The following TBXAS1 variants were observed in gnomAD, a reference collection of about 807,000 sequenced individuals.
The protein encoded by TBXAS1 is thromboxane-A synthase.
A neutral mutation model predicts 60.7 loss-of-function variants in TBXAS1; 48 were observed. That is an observed-to-expected ratio of 0.79 (90% CI 0.63 to 1.01). The LOEUF is 1.01. Ranked by LOEUF, TBXAS1 falls within the 50% of genes least tolerant of loss-of-function variation. TBXAS1 has a pLI of 0.00. For missense variants in TBXAS1, 685 were observed against 686.3 expected, an observed-to-expected ratio of 1.00 and a Z score of 0.02; for synonymous variants, 287 against 269.7, an observed-to-expected ratio of 1.06 and a Z score of -0.63.
chr7:139,991,147 T>C (rs1812870465), intron 9 of TBXAS1, among the ~76,000 whole-genome samples: 1 of 152,218 alleles, frequency 6.6e-6, no homozygotes, highest in South Asian at 2.1e-4. Context: ...GGCACGGCTG[T>C]GATGGAACTC....
intron 4 of TBXAS1, among the ~76,000 whole-genome samples, chr7:139,817,083 T>C (rs1268508091): frequency 1.3e-5 from 2 of 152,174 alleles, no homozygotes; most frequent in Non-Finnish European, 2.9e-5. Flanking sequence ...AGCTGTTTCA[T>C]TAAGAAATAT....
chr7:139,892,548 A>G (rs1803707090), intron 3 of TBXAS1, among the ~76,000 whole-genome samples: 1 of 152,130 alleles, frequency 6.6e-6, no homozygotes, highest in African/African-American at 2.4e-5. Flanking sequence ...AGCTGAGATC[A>G]TGCCACTGCA....
chr7:139,866,368 G>A (rs1240003303), intron 1 of TBXAS1, among the ~76,000 whole-genome samples: 1 of 152,142 alleles, frequency 6.6e-6, no homozygotes, highest in African/African-American at 2.4e-5. Context: ...GCACTATTAA[G>A]CAGCCATAAA....
intron 9 of TBXAS1, among the ~76,000 whole-genome samples, chr7:139,965,963 T>A (rs1000893009): frequency 1.3e-5 from 2 of 152,094 alleles, no homozygotes; most frequent in African/African-American, 4.8e-5. Context: ...GCAGATTAGA[T>A]GTTCACACAT....
At chr7:139,842,716 A>G (rs6974960) in intron 1 of TBXAS1, among the ~76,000 whole-genome samples, 96,924 of 152,030 alleles carry the variant, frequency 0.64, 32,343 homozygotes, top group East Asian at 0.92. Context: ...GGAGCCCTCG[A>G]CTCTCTCTGT....
chr7:140,011,389 GAGAAGAGAA>G (rs1410696981), intron 10 of TBXAS1, among the ~76,000 whole-genome samples: 1 of 108,082 alleles, frequency 9.3e-6, no homozygotes, highest in Non-Finnish European at 2.4e-5. Context: ...CCATCCCCTA[GAGAAGAGAA>G]AGATAGAAAT....
At chr7:139,940,926 A>G (rs1225035720) in intron 5 of TBXAS1, among the ~76,000 whole-genome samples, 1 of 152,222 alleles carries the variant, frequency 6.6e-6, no homozygotes, top group Non-Finnish European at 1.5e-5. Flanking sequence ...TCTATCAAGA[A>G]AAAATTAAAT....
At chr7:139,988,257 C>T (rs1812644802) in intron 9 of TBXAS1, among the ~76,000 whole-genome samples, 2 of 152,262 alleles carry the variant, frequency 1.3e-5, no homozygotes, top group African/African-American at 4.8e-5. Flanking sequence ...TCAGGCCACC[C>T]TGAGGCCATC....
intron 3 of TBXAS1, among the ~76,000 whole-genome samples, chr7:139,783,913 C>T (rs1797083137): frequency 6.6e-6 from 1 of 151,990 alleles, no homozygotes; most frequent in African/African-American, 2.4e-5. Flanking sequence ...GATCTCTAAG[C>T]AAACATGAGT....
chr7:139,789,212 ATCTCTCTCTCTC>A (rs138299225), intron 4 of TBXAS1: 2 of 142,404 alleles, frequency 1.4e-5, no homozygotes, highest in African/African-American at 2.6e-5. Context: ...AATATGTTTA[ATCTCTCTCTCTC>A]TCTCTCTCTC....
intron 5 of TBXAS1, chr7:139,952,631 T>C: frequency 6.5e-7 from 1 of 1,537,252 alleles, no homozygotes; most frequent in South Asian, 1.2e-5. Context: ...CACCCACCCG[T>C]TTGTCGAAGC....
intron 3 of TBXAS1, among the ~76,000 whole-genome samples, chr7:139,879,460 T>G (rs1802513130): frequency 1.3e-5 from 2 of 152,146 alleles, no homozygotes; most frequent in Non-Finnish European, 2.9e-5. Flanking sequence ...TTAGATAACC[T>G]TCATCAATTA....
chr7:139,965,555 T>C (rs1049323949), intron 9 of TBXAS1, among the ~76,000 whole-genome samples: 1 of 152,126 alleles, frequency 6.6e-6, no homozygotes, highest in African/African-American at 2.4e-5. Flanking sequence ...AATAAATGTT[T>C]CCAGTGATTC....
intron 3 of TBXAS1, among the ~76,000 whole-genome samples, chr7:139,899,897 G>T (rs1330229454): frequency 6.6e-6 from 1 of 152,122 alleles, no homozygotes; most frequent in Admixed American, 6.5e-5. Flanking sequence ...CACCACCAAG[G>T]ACCTGGGCTG....
chr7:139,837,212 A>T (rs1273840471), intron 1 of TBXAS1, among the ~76,000 whole-genome samples: 1 of 152,208 alleles, frequency 6.6e-6, no homozygotes, highest in Non-Finnish European at 1.5e-5. Flanking sequence ...GCTGGTGGGG[A>T]TGTAAACTAG....
chr7:139,947,281 G>A (rs1808798798), intron 5 of TBXAS1, among the ~76,000 whole-genome samples: 1 of 152,156 alleles, frequency 6.6e-6, no homozygotes, highest in Admixed American at 6.5e-5. Context: ...GGATGGAGCT[G>A]GAGGCCATTA....
intron 10 of TBXAS1, 133 bp from the exon 11 acceptor site, chr7:140,015,590 C>T: frequency 1.8e-6 from 2 of 1,082,948 alleles, no homozygotes; most frequent in East Asian, 4.9e-5. Flanking sequence ...GTCCTCTGTC[C>T]CCAGCCTCAT....
At position 139,875,642 on chromosome 7, in the gene TBXAS1, G is replaced by C; in HGVS notation, c.236+5G>C. ...GCTGTATGGACCTCTGTGTGGGTAA[G>C]AAGGAAACTCAACGTTTCTATTATG... On this transcript the variant is annotated splice_donor_5th_base_variant and intron_variant, in intron 3 of 12. Coordinates refer to ENST00000448866, the MANE Select transcript of TBXAS1 (RefSeq NM_001061.7). 1 of 1,608,422 alleles carries C rather than the reference G, an allele frequency of 6.2e-7. No individual in the cohort carries two copies. Among genetic ancestry groups the C allele is most frequent in the Non-Finnish European group, 8.5e-7 (1 of 1,179,988 alleles).
intron 3 of TBXAS1, among the ~76,000 whole-genome samples, chr7:139,881,245 A>C (rs1802666638): frequency 6.6e-6 from 1 of 152,132 alleles, no homozygotes; most frequent in Admixed American, 6.6e-5. Context: ...TATTTCTTCC[A>C]ATCAGAAAAC....
Sources: allele counts gnomAD v4.1 joint callset (sites outside exome capture counted in the v4.1 genomes callset), GRCh38; gene constraint gnomAD v4.1.1; transcripts MANE v1.5; gene names NCBI Gene and HGNC (gene_info 2026-07-23, HGNC 2026-07-21).